FBXL17: variants seen among roughly 807,000 people sequenced by gnomAD.
FBXL17 encodes F-box/LRR-repeat protein 17.
In FBXL17, 22 loss-of-function variants were observed where a neutral mutation model predicts 66.2. That is an observed-to-expected ratio of 0.33 (90% CI 0.24 to 0.47). FBXL17 has a LOEUF of 0.47. Among genes scored for constraint, FBXL17 ranks in the 20% least tolerant of loss-of-function variants. FBXL17 has a pLI of 1.00. For missense variants in FBXL17, 878 were observed against 948.2 expected, an observed-to-expected ratio of 0.93 and a Z score of 0.97; for synonymous variants, 474 against 400.5, an observed-to-expected ratio of 1.18 and a Z score of -2.19.
At chr5:107,882,702 T>C (rs996345426) in intron 7 of FBXL17, among the ~76,000 whole-genome samples, 1 of 152,222 alleles carries the variant, frequency 6.6e-6, no homozygotes, top group South Asian at 2.1e-4. Context: ...TTCTCTCTGG[T>C]ATCATCATGA....
chr5:108,138,711 C>T (rs372312224), intron 6 of FBXL17, among the ~76,000 whole-genome samples: 3 of 152,106 alleles, frequency 2.0e-5, no homozygotes, highest in East Asian at 3.9e-4. Context: ...GCAATTGGCA[C>T]TAGGCAACAG....
rs1749814445 is a variant in FBXL17 at position 108,380,867 on chromosome 5, G to C, written c.825C>G (p.Gly275=). The C allele has an allele frequency of 1.1e-5, 14 of 1,243,748 alleles. No individual in the cohort carries two copies. The highest frequency in any genetic ancestry group is 1.4e-5 in the Non-Finnish European group (14 of 987,498). 77.0% of individuals were successfully genotyped at this position (1,243,748 alleles called of 1,614,324 possible). The change falls in exon 1 of 9, where the codon GGC becomes GGG. Residue 275 remains glycine, a synonymous_variant. Transcript: ENST00000542267. ...TGCCCCCGGCTCGGACAGCGTCCCC[G>C]CCAGCTTCGGTGGGGGCACCTTCGG... is the stretch of plus-strand genomic sequence containing the variant. ...PTSEGAPTEA[G]GDAVRAGGTA...
At position 108,158,460 on chromosome 5, in the gene FBXL17, A is replaced by G. The variant is rs1162967695; in HGVS notation, c.1745+27657T>C. On this transcript the variant is annotated intron_variant, in intron 6 of 8. Transcript: ENST00000542267. ...CTTTAAAGATATCAAATTTCCACAA[A>G]TAAAACTATAACTGTAAAGCAGTGA... Among the ~76,000 whole-genome samples, 3 of 152,240 alleles carry G rather than the reference A, an allele frequency of 2.0e-5. 1 individual carries two copies. Among genetic ancestry groups the G allele is most frequent in the African/African-American group, 7.2e-5 (3 of 41,548 alleles).
intron 6 of FBXL17, among the ~76,000 whole-genome samples, chr5:108,047,249 C>T (rs562329981): frequency 2.0e-4 from 31 of 152,274 alleles, no homozygotes; most frequent in Non-Finnish European, 2.5e-4. Flanking sequence ...AAAGAGGTGG[C>T]GAGTAAGTGT....
At chr5:108,142,775 G>A (rs549542474) in intron 6 of FBXL17, among the ~76,000 whole-genome samples, 6 of 152,074 alleles carry the variant, frequency 3.9e-5, no homozygotes, top group Non-Finnish European at 7.4e-5. Context: ...TAAGCAGTGG[G>A]CAACCAAGTA....
At chr5:108,210,887 A>G (rs1754340169) in intron 5 of FBXL17, among the ~76,000 whole-genome samples, 2 of 152,100 alleles carry the variant, frequency 1.3e-5, no homozygotes, top group African/African-American at 4.8e-5. Flanking sequence ...TGTCTCATTG[A>G]TCTGTCTAAT....
At chr5:108,089,086 T>C (rs1199868925) in intron 6 of FBXL17, among the ~76,000 whole-genome samples, 1 of 152,166 alleles carries the variant, frequency 6.6e-6, no homozygotes, top group Non-Finnish European at 1.5e-5. Flanking sequence ...TTCAAATCCA[T>C]CAAGTTCTGT....
intron 4 of FBXL17, among the ~76,000 whole-genome samples, chr5:108,244,140 C>A (rs1242482204): frequency 6.6e-6 from 1 of 152,066 alleles, no homozygotes; most frequent in Non-Finnish European, 1.5e-5. Flanking sequence ...GTCCTCACAC[C>A]TTTTCTCCAT....
intron 7 of FBXL17, among the ~76,000 whole-genome samples, chr5:107,933,642 C>A (rs1750803385): frequency 6.6e-6 from 1 of 152,124 alleles, no homozygotes; most frequent in Admixed American, 6.6e-5. Context: ...GAAATGCATA[C>A]AATTCTATTT....
intron 6 of FBXL17, among the ~76,000 whole-genome samples, chr5:108,098,204 A>G (rs1749456595): frequency 6.6e-6 from 1 of 152,250 alleles, no homozygotes; most frequent in South Asian, 2.1e-4. Context: ...TGCAAAGATG[A>G]TTTTCCTGTC....
rs374124280 is a variant in FBXL17 at position 107,878,288 on chromosome 5, A to AT, written c.1965+2748dup. 3,020 of 934,288 alleles carry AT rather than the reference A, an allele frequency of 3.2e-3. 68 individuals are homozygous for AT. The African/African-American group carries it at 0.044, about 14-fold the overall frequency. 57.9% of individuals were successfully genotyped at this position (934,288 alleles called of 1,614,324 possible). A position where few individuals can be genotyped will look rare whatever the true frequency, so the allele number is the denominator to read the frequency against. Reference sequence around the variant, plus strand: ...TCAAAATGGGATAGTAGGCAATATAATTTTTTTTTCTCATTGGAAAATTCC... The same window carrying AT: ...TCAAAATGGGATAGTAGGCAATATAATTTTTTTTTTCTCATTGGAAAATTCC... On this transcript the variant is annotated intron_variant, in intron 8 of 8. Coordinates refer to ENST00000542267, the MANE Select transcript of FBXL17 (RefSeq NM_001163315.3).
intron 5 of FBXL17, among the ~76,000 whole-genome samples, chr5:108,213,932 T>A (rs1754486214): frequency 6.6e-6 from 1 of 152,196 alleles, no homozygotes; most frequent in South Asian, 2.1e-4. Context: ...TATACAGTTT[T>A]CAATTATTTT....
At chr5:108,317,435 C>G (rs1580805181) in intron 4 of FBXL17, among the ~76,000 whole-genome samples, 1 of 150,580 alleles carries the variant, frequency 6.6e-6, no homozygotes, top group East Asian at 1.9e-4. Flanking sequence ...TTGATCATTA[C>G]ACATTGCATG....
chr5:108,107,148 T>C (rs1272034587), intron 6 of FBXL17, among the ~76,000 whole-genome samples: 8 of 152,170 alleles, frequency 5.3e-5, no homozygotes, highest in Non-Finnish European at 7.3e-5. Context: ...CTCAGCTCAC[T>C]GCAACCTCCA....
At chr5:107,916,139 A>T (rs1024540907) in intron 7 of FBXL17, among the ~76,000 whole-genome samples, 1 of 152,226 alleles carries the variant, frequency 6.6e-6, no homozygotes, top group Non-Finnish European at 1.5e-5. Context: ...TGCAGTAAAC[A>T]TAAAGTCCAG....
chr5:107,928,447 A>G (rs1428497579), intron 7 of FBXL17, among the ~76,000 whole-genome samples: 1 of 151,344 alleles, frequency 6.6e-6, no homozygotes, highest in Non-Finnish European at 1.5e-5. Flanking sequence ...AGCAAAGATG[A>G]CCCCCACCCC....
chr5:108,313,121 C>A (rs1759201694), intron 4 of FBXL17, among the ~76,000 whole-genome samples: 1 of 152,010 alleles, frequency 6.6e-6, no homozygotes, highest in Admixed American at 6.6e-5. Context: ...GCTTAGCCAT[C>A]GAAGAAATAA....
At chr5:108,163,927 G>A (rs1752316626) in intron 6 of FBXL17, among the ~76,000 whole-genome samples, 1 of 152,140 alleles carries the variant, frequency 6.6e-6, no homozygotes, top group Admixed American at 6.5e-5. Context: ...AACGCAACAT[G>A]CTAGGTCATC....
intron 6 of FBXL17, among the ~76,000 whole-genome samples, chr5:108,105,714 C>T (rs1749769300): frequency 6.6e-6 from 1 of 152,076 alleles, no homozygotes; most frequent in African/African-American, 2.4e-5. Context: ...AGAAGACAAA[C>T]TTTGCTTTTG....
Sources: allele counts gnomAD v4.1 joint callset (sites outside exome capture counted in the v4.1 genomes callset), GRCh38; gene constraint gnomAD v4.1.1; transcripts MANE v1.5; gene names NCBI Gene and HGNC (gene_info 2026-07-23, HGNC 2026-07-21).